The following DYRK1A variants were observed in gnomAD, a reference collection of about 807,000 sequenced individuals.
The protein encoded by DYRK1A is dual specificity tyrosine phosphorylation regulated kinase 1A.
Under a neutral mutation model 79.7 loss-of-function variants are expected in DYRK1A, and 9 were observed. That is an observed-to-expected ratio of 0.11 (90% confidence interval 0.07 to 0.20). The LOEUF is 0.20. Among genes scored for constraint, DYRK1A ranks in the 10% least tolerant of loss-of-function variants. The pLI is 1.00. For missense variants in DYRK1A, 622 were observed against 956.0 expected (o/e 0.65, Z 4.61); for synonymous variants, 349 against 329.7 (o/e 1.06, Z -0.63).
chr21:37,372,607 T>G (rs1569273838), intron 1 of DYRK1A, among the ~76,000 whole-genome samples: 1 of 152,158 alleles, frequency 6.6e-6, no homozygotes, highest in Non-Finnish European at 1.5e-5. Context: ...CTCAACAGGT[T>G]CTGTTGGCTG....
At chr21:37,366,231 C>G (rs1055139101), upstream of DYRK1A, 5 of 150,274 alleles carry the variant, frequency 3.3e-5, no homozygotes, top group African/African-American at 1.2e-4. Context: ...CTTCCCGGGT[C>G]CCCGCCCGAA....
chr21:37,434,862 T>C (rs944671504), intron 2 of DYRK1A, among the ~76,000 whole-genome samples: 11 of 152,356 alleles, frequency 7.2e-5, no homozygotes, highest in African/African-American at 2.6e-4. Context: ...GTGTGATTTC[T>C]CTAAAATGTA....
At chr21:37,415,996 C>T (rs1169714549) in intron 1 of DYRK1A, among the ~76,000 whole-genome samples, 1 of 152,058 alleles carries the variant, frequency 6.6e-6, no homozygotes, top group Non-Finnish European at 1.5e-5. Flanking sequence ...TCTTGCATCT[C>T]TGTATTTTCT....
At chr21:37,433,372 G>GA (rs1373256860) in intron 2 of DYRK1A, among the ~76,000 whole-genome samples, 1 of 152,150 alleles carries the variant, frequency 6.6e-6, no homozygotes, top group Non-Finnish European at 1.5e-5. Context: ...GGTGGACCAG[G>GA]AAACAGTCCC....
intron 2 of DYRK1A, among the ~76,000 whole-genome samples, chr21:37,462,396 G>A (rs1005925831): frequency 1.3e-5 from 2 of 152,162 alleles, no homozygotes; most frequent in African/African-American, 4.8e-5. Context: ...CTTTACTGTA[G>A]GGCTGGATTA....
chr21:37,380,482 G>A (rs1377603521), intron 1 of DYRK1A, among the ~76,000 whole-genome samples: 1 of 152,064 alleles, frequency 6.6e-6, no homozygotes, highest in Non-Finnish European at 1.5e-5. Flanking sequence ...CTAGGAATTG[G>A]CCTGAAGGCC....
intron 5 of DYRK1A, among the ~76,000 whole-genome samples, chr21:37,484,250 C>T (rs2052767149): frequency 6.6e-6 from 1 of 152,098 alleles, no homozygotes; most frequent in African/African-American, 2.4e-5. Context: ...AAAAAATTGA[C>T]TGCTGCTCTA....
intron 1 of DYRK1A, chr21:37,410,557 C>G (rs960379400): frequency 1.3e-5 from 2 of 152,246 alleles, no homozygotes; most frequent in Non-Finnish European, 2.9e-5. Flanking sequence ...GACACTTTCA[C>G]TTTGTCACCC....
At chr21:37,457,780 C>T (rs1369263050) in intron 2 of DYRK1A, among the ~76,000 whole-genome samples, 3 of 151,984 alleles carry the variant, frequency 2.0e-5, no homozygotes, top group Non-Finnish European at 4.4e-5. Flanking sequence ...AGAGCAAGTC[C>T]TCTATGTGTA....
chr21:37,428,093 C>T (rs540889387), intron 2 of DYRK1A, among the ~76,000 whole-genome samples: 242 of 152,244 alleles, frequency 1.6e-3, no homozygotes, highest in Middle Eastern at 0.014. Flanking sequence ...TAGCCTGCCC[C>T]AGGTCACACA....
At chr21:37,485,049 T>C (rs2052806293) in intron 5 of DYRK1A, among the ~76,000 whole-genome samples, 1 of 152,244 alleles carries the variant, frequency 6.6e-6, no homozygotes, top group Admixed American at 6.5e-5. Flanking sequence ...TGATTGCGTA[T>C]TGAAATTTCT....
intron 9 of DYRK1A, among the ~76,000 whole-genome samples, chr21:37,498,739 A>G (rs1436724252): frequency 1.3e-5 from 2 of 152,196 alleles, no homozygotes; most frequent in African/African-American, 2.4e-5. Flanking sequence ...TTACCTTCAC[A>G]AGAAAACACC....
intron 1 of DYRK1A, among the ~76,000 whole-genome samples, chr21:37,406,841 A>ATC (rs1486186768): frequency 6.8e-6 from 1 of 148,104 alleles, no homozygotes; most frequent in African/African-American, 2.5e-5. Context: ...ATATATATAT[A>ATC]TCTTTAGTAG....
chr21:37,515,310 A>G lies in DYRK1A; in HGVS notation c.*2779A>G, dbSNP rs1335324286. 8 of 152,672 alleles carry G rather than the reference A, an allele frequency of 5.2e-5. No individual in the cohort carries two copies. The highest frequency in any genetic ancestry group is 1.0e-4 in the Non-Finnish European group (7 of 68,046). 9.5% of individuals were successfully genotyped at this position (152,672 alleles called of 1,614,324 possible). On this transcript the variant is annotated 3_prime_UTR_variant, in exon 12 of 12. Coordinates refer to ENST00000647188, the MANE Select transcript of DYRK1A (RefSeq NM_001347721.2). ...AGTTGAGTTAAATGTGTAAAAAGGA[A>G]ACTATTTGAGATACATTGACATAGG... is the stretch of plus-strand genomic sequence containing the variant.
At chr21:37,511,492 A>G (rs1333673032) in intron 11 of DYRK1A, among the ~76,000 whole-genome samples, 1 of 152,204 alleles carries the variant, frequency 6.6e-6, no homozygotes, top group Admixed American at 6.5e-5. Context: ...GGCATTGTTG[A>G]GCAGCTAGGT....
At chr21:37,511,396 G>A (rs2053744994) in intron 11 of DYRK1A, among the ~76,000 whole-genome samples, 1 of 152,198 alleles carries the variant, frequency 6.6e-6, no homozygotes, top group Admixed American at 6.5e-5. Context: ...GCGTAGGCAA[G>A]AGATGATGGG....
At chr21:37,400,297 A>C (rs116151914) in intron 1 of DYRK1A, among the ~76,000 whole-genome samples, 2,720 of 152,182 alleles carry the variant, frequency 0.018, 73 homozygotes, top group African/African-American at 0.061. Context: ...CAAGATTCTC[A>C]ACTTAATCAC....
intron 2 of DYRK1A, among the ~76,000 whole-genome samples, chr21:37,423,732 A>G (rs1308679480): frequency 6.6e-6 from 1 of 152,164 alleles, no homozygotes. Context: ...GTGATATACT[A>G]GTCACTTTTA....
chr21:37,470,665 CT>C (rs1434754337), intron 2 of DYRK1A, among the ~76,000 whole-genome samples: 1 of 152,000 alleles, frequency 6.6e-6, no homozygotes, highest in Non-Finnish European at 1.5e-5. Flanking sequence ...TCCTTCCTAC[CT>C]TTTTCTTTTT....
Sources: allele counts gnomAD v4.1 joint callset (sites outside exome capture counted in the v4.1 genomes callset), GRCh38; gene constraint gnomAD v4.1.1; transcripts MANE v1.5; gene names NCBI Gene and HGNC (gene_info 2026-07-23, HGNC 2026-07-21).